The following ZBTB7C variants were observed in gnomAD, a reference collection of about 807,000 sequenced individuals.
The protein encoded by ZBTB7C is zinc finger and BTB domain-containing protein 7C.
A neutral mutation model predicts 25.7 loss-of-function variants in ZBTB7C; 8 were observed. The ratio of observed to expected loss-of-function variants is 0.31; its 90% CI spans 0.18 to 0.56. The LOEUF is 0.56. Among genes scored for constraint, ZBTB7C ranks in the 20% least tolerant of loss-of-function variants. The pLI, the probability that ZBTB7C is intolerant of heterozygous loss-of-function variation, is 0.91. For synonymous variants in ZBTB7C, 394 were observed against 369.0 expected (o/e 1.07, Z -0.78); for missense variants, 824 against 855.2 (o/e 0.96, Z 0.46).
chr18:48,342,756 A>AGCCACTGGAGACAGCGCTGTTAAGTGGCT (rs1261693609), intron 1 of ZBTB7C, among the ~76,000 whole-genome samples: 2 of 151,858 alleles, frequency 1.3e-5, no homozygotes, highest in Admixed American at 1.3e-4. Context: ...AAAATTAAGG[A>AGCCACTGGAGACAGCGCTGTTAAGTGGCT]GCCACTGGAG....
chr18:48,388,919 G>A (rs1166023174), intron 1 of ZBTB7C, among the ~76,000 whole-genome samples: 1 of 152,118 alleles, frequency 6.6e-6, no homozygotes, highest in Non-Finnish European at 1.5e-5. Flanking sequence ...GTACAAATCA[G>A]TTCTATGTTC....
At chr18:48,095,806 C>G (rs1465416502) in intron 3 of ZBTB7C, among the ~76,000 whole-genome samples, 1 of 152,120 alleles carries the variant, frequency 6.6e-6, no homozygotes, top group East Asian at 1.9e-4. Context: ...CTCCTGTAAC[C>G]CACGGCTGAG....
At chr18:48,231,429 A>G (rs1296935366) in intron 2 of ZBTB7C, among the ~76,000 whole-genome samples, 1 of 152,012 alleles carries the variant, frequency 6.6e-6, no homozygotes, top group Non-Finnish European at 1.5e-5. Context: ...GAGCTGAGAA[A>G]ATAATAGGAT....
At chr18:48,212,915 C>T (rs2042735669) in intron 2 of ZBTB7C, among the ~76,000 whole-genome samples, 1 of 152,178 alleles carries the variant, frequency 6.6e-6, no homozygotes, top group Non-Finnish European at 1.5e-5. Flanking sequence ...CCTGGCCAGC[C>T]TGGACCACTA....
In ZBTB7C at chr18:48,245,090, G is replaced by GTATATATATATA. The variant is rs138848813; in HGVS notation, c.-78-59096_-78-59095insTATATATATATA. On this transcript the variant is annotated intron_variant, in intron 2 of 4. Coordinates refer to ENST00000590800, the MANE Select transcript of ZBTB7C (RefSeq NM_001318841.2). The stretch of plus-strand genomic sequence containing the variant: ...GTGGAAAAAAAAGTAGTGTGTGTGT[G>GTATATATATATA]TGTATATATATATACACACACACAC... Among the ~76,000 whole-genome samples, 221 of 110,246 alleles carry GTATATATATATA rather than the reference G, an allele frequency of 2.0e-3. 2 individuals are homozygous for GTATATATATATA. Among genetic ancestry groups the GTATATATATATA allele is most frequent in the African/African-American group, 6.2e-3 (152 of 24,500 alleles). The allele number at this position is 110,246 out of a possible 152,430, so 72.3% of individuals were successfully genotyped here.
chr18:48,116,285 C>T (rs2039438048), intron 3 of ZBTB7C, among the ~76,000 whole-genome samples: 1 of 152,126 alleles, frequency 6.6e-6, no homozygotes, highest in African/African-American at 2.4e-5. Context: ...CTTGGGGTGG[C>T]AATGAAATGT....
In ZBTB7C at chr18:48,285,131, T is replaced by A. The variant is rs1350891050; in HGVS notation, c.-79+53043A>T. Among the ~76,000 whole-genome samples the A allele has an allele frequency of 2.0e-5, 3 of 152,210 alleles. No homozygotes were observed. The South Asian group carries it at 6.2e-4, about 32-fold the overall frequency. On this transcript the variant is annotated intron_variant, in intron 2 of 4. Coordinates refer to ENST00000590800, the MANE Select transcript of ZBTB7C (RefSeq NM_001318841.2). ...TTTCCATTTGCAGGGTGCAGGGTAA[T>A]ATATAGATCCATTGGCTCATGCTTG...
intron 2 of ZBTB7C, among the ~76,000 whole-genome samples, chr18:48,210,195 T>C (rs982323670): frequency 2.0e-5 from 3 of 150,450 alleles, no homozygotes; most frequent in Non-Finnish European, 4.4e-5. Context: ...GTGGAGAAAT[T>C]GTAGCTTTCA....
At chr18:48,266,177 G>A (rs187126768) in intron 2 of ZBTB7C, among the ~76,000 whole-genome samples, 21 of 151,890 alleles carry the variant, frequency 1.4e-4, no homozygotes, top group African/African-American at 5.1e-4. Context: ...GTGAAATAAA[G>A]CTAATGCTTA....
intron 2 of ZBTB7C, among the ~76,000 whole-genome samples, chr18:48,306,458 A>G (rs192919021): frequency 6.6e-6 from 1 of 152,360 alleles, no homozygotes; most frequent in African/African-American, 2.4e-5. Context: ...AGTGTTGTGC[A>G]ACCATATCAC....
chr18:48,313,479 A>T (rs999582024), intron 2 of ZBTB7C, among the ~76,000 whole-genome samples: 3 of 152,220 alleles, frequency 2.0e-5, no homozygotes, highest in Admixed American at 1.3e-4. Flanking sequence ...GCTCCCCAAC[A>T]GTCCTGAGGT....
intron 3 of ZBTB7C, among the ~76,000 whole-genome samples, chr18:48,090,301 C>T (rs534056101): frequency 9.8e-5 from 15 of 152,320 alleles, no homozygotes; most frequent in African/African-American, 3.6e-4. Context: ...AGAGCTCTAC[C>T]AGGGGGCTTC....
At chr18:48,108,005 C>G (rs2039094425) in intron 3 of ZBTB7C, among the ~76,000 whole-genome samples, 1 of 152,184 alleles carries the variant, frequency 6.6e-6, no homozygotes, top group African/African-American at 2.4e-5. Flanking sequence ...AAGATAAAAT[C>G]TTTCCCCTAA....
At chr18:48,305,238 T>C (rs939575259) in intron 2 of ZBTB7C, among the ~76,000 whole-genome samples, 15 of 152,204 alleles carry the variant, frequency 9.9e-5, no homozygotes, top group Middle Eastern at 6.3e-3. Context: ...TGTAATTATC[T>C]GCGTGGCTGT....
chr18:48,124,688 T>C (rs909064222), intron 3 of ZBTB7C, among the ~76,000 whole-genome samples: 1 of 152,198 alleles, frequency 6.6e-6, no homozygotes, highest in Non-Finnish European at 1.5e-5. Context: ...GGATGCTGGC[T>C]GGCATTTTTG....
chr18:48,041,756 A>C (rs1024290947), intron 3 of ZBTB7C, among the ~76,000 whole-genome samples: 19 of 152,212 alleles, frequency 1.2e-4, no homozygotes, highest in East Asian at 7.7e-4. Flanking sequence ...TAAAAAAAAA[A>C]CACTAACTTC....
intron 3 of ZBTB7C, among the ~76,000 whole-genome samples, chr18:48,090,025 G>A (rs1051043821): frequency 1.3e-5 from 2 of 152,236 alleles, no homozygotes; most frequent in African/African-American, 4.8e-5. Context: ...GCAGTGAGGT[G>A]GGTAGTTCCA....
rs192430981 is a variant in ZBTB7C at position 48,088,544 on chromosome 18, C to G, written c.-16-47421G>C. Among the ~76,000 whole-genome samples, 4 of 152,340 alleles carry G rather than the reference C, an allele frequency of 2.6e-5. 1 individual carries two copies. The highest frequency in any genetic ancestry group is 9.6e-5 in the African/African-American group (4 of 41,584). Reference sequence around the variant, plus strand: ...GGTTGGATACATTAACAGAAGGAAACTGGCCAGCCCTAGTGGCTCACACCT... The same window carrying G: ...GGTTGGATACATTAACAGAAGGAAAGTGGCCAGCCCTAGTGGCTCACACCT... On this transcript the variant is annotated intron_variant, in intron 3 of 4. Transcript: ENST00000590800.
At chr18:48,229,070 C>A (rs569756584) in intron 2 of ZBTB7C, among the ~76,000 whole-genome samples, 4 of 152,182 alleles carry the variant, frequency 2.6e-5, no homozygotes, top group African/African-American at 9.6e-5. Flanking sequence ...AAGACAGTGC[C>A]AGATCCCAGT....
Sources: allele counts gnomAD v4.1 joint callset (sites outside exome capture counted in the v4.1 genomes callset), GRCh38; gene constraint gnomAD v4.1.1; transcripts MANE v1.5; gene names NCBI Gene and HGNC (gene_info 2026-07-23, HGNC 2026-07-21).